Variants in HYCC1 observed in about 807,000 individuals in gnomAD.
The protein encoded by HYCC1 is hyccin PI4KA lipid kinase complex subunit 1.
the HYCC1 span, among the ~76,000 whole-genome samples, chr7:22,979,642 T>C: frequency 6.6e-6 from 1 of 152,114 alleles, no homozygotes; most frequent in Admixed American, 6.6e-5. Context: ...ATAACATCCC[T>C]CCCTCATCTC....
At chr7:22,942,211 A>C in the HYCC1 span, 1 of 152,156 alleles carries the variant, frequency 6.6e-6, no homozygotes, top group Admixed American at 6.6e-5. Flanking sequence ...ATTTCCCTTT[A>C]ATTCAACTTT....
At chr7:22,915,197 C>A in the HYCC1 span, among the ~76,000 whole-genome samples, 1 of 152,172 alleles carries the variant, frequency 6.6e-6, no homozygotes. Context: ...AAATCAGATT[C>A]CGGCCCTCAA....
the HYCC1 span, among the ~76,000 whole-genome samples, chr7:22,917,090 T>C: frequency 6.6e-6 from 1 of 152,206 alleles, no homozygotes; most frequent in Non-Finnish European, 1.5e-5. Context: ...CTCAGGGTAA[T>C]GCTTATGCTG....
the HYCC1 span, among the ~76,000 whole-genome samples, chr7:23,005,435 A>G: frequency 2.6e-5 from 4 of 152,208 alleles, no homozygotes; most frequent in Admixed American, 2.6e-4. Context: ...TCATTTGGAC[A>G]ATTGAGAATG....
At chr7:22,929,739 T>C in the HYCC1 span, among the ~76,000 whole-genome samples, 4 of 152,214 alleles carry the variant, frequency 2.6e-5, no homozygotes, top group African/African-American at 4.8e-5. Flanking sequence ...TTTTACACTG[T>C]TGGTGGACTG....
chr7:22,994,247 T>C, the HYCC1 span, among the ~76,000 whole-genome samples: 9 of 152,348 alleles, frequency 5.9e-5, no homozygotes, highest in Middle Eastern at 6.8e-3. Flanking sequence ...TGAAATTCTA[T>C]ACAACAAAAT....
At chr7:22,949,199 GAA>G in the HYCC1 span, among the ~76,000 whole-genome samples, 1 of 152,034 alleles carries the variant, frequency 6.6e-6, no homozygotes, top group Admixed American at 6.6e-5. Context: ...TCGCTTTCTT[GAA>G]AGTGTTCACA....
At chr7:22,900,080 T>C in the HYCC1 span, among the ~76,000 whole-genome samples, 1 of 152,162 alleles carries the variant, frequency 6.6e-6, no homozygotes, top group African/African-American at 2.4e-5. Flanking sequence ...CAAAGGGCAC[T>C]CCTAGCCTAA....
At chr7:22,945,329 A>AG in the HYCC1 span, 1 of 517,226 alleles carries the variant, frequency 1.9e-6, no homozygotes, top group Admixed American at 3.3e-5. Context: ...TGACAATCTT[A>AG]GGGCAACAAT....
At chr7:22,960,457 A>AAGATCAACAT in the HYCC1 span, 4,730 of 1,505,138 alleles carry the variant, frequency 3.1e-3, 133 homozygotes, top group African/African-American at 0.057. Flanking sequence ...ATGAGCAGAT[A>AAGATCAACAT]GAGCAGATAT....
chr7:22,924,010 A>C, the HYCC1 span, among the ~76,000 whole-genome samples: 1 of 149,936 alleles, frequency 6.7e-6, no homozygotes, highest in African/African-American at 2.4e-5. Flanking sequence ...AAAAAAAAAA[A>C]AAAACCCAAA....
chr7:22,945,241 A>C, the HYCC1 span: 37 of 319,668 alleles, frequency 1.2e-4, 1 homozygote, highest in Non-Finnish European at 6.4e-5. Flanking sequence ...AACCAAACCA[A>C]AACAAGAAAA....
the HYCC1 span, among the ~76,000 whole-genome samples, chr7:22,920,852 TCATG>T: frequency 6.6e-6 from 1 of 152,208 alleles, no homozygotes; most frequent in South Asian, 2.1e-4. Flanking sequence ...GGTGGATCCC[TCATG>T]CATGACTTAG....
At chr7:22,983,796 T>C in the HYCC1 span, 2 of 606,456 alleles carry the variant, frequency 3.3e-6, no homozygotes, top group Non-Finnish European at 5.9e-6. Context: ...TTATATTTCT[T>C]GGCTTGGGGA....
the HYCC1 span, among the ~76,000 whole-genome samples, chr7:22,916,578 T>A: frequency 3.9e-5 from 6 of 152,204 alleles, no homozygotes; most frequent in Non-Finnish European, 8.8e-5. Flanking sequence ...TGTTTTAGGC[T>A]GGCCCCCACA....
At chr7:22,953,048 T>C in the HYCC1 span, among the ~76,000 whole-genome samples, 3 of 151,996 alleles carry the variant, frequency 2.0e-5, no homozygotes, top group Non-Finnish European at 4.4e-5. Context: ...TTTAGTTGTA[T>C]ACATGGTAAA....
the HYCC1 span, among the ~76,000 whole-genome samples, chr7:23,013,269 T>C: frequency 6.6e-6 from 1 of 152,112 alleles, no homozygotes; most frequent in African/African-American, 2.4e-5. Flanking sequence ...GGGCAAGGGC[T>C]CAAGAAGAGA....
chr7:22,931,816 T>A, the HYCC1 span, among the ~76,000 whole-genome samples: 2 of 152,172 alleles, frequency 1.3e-5, no homozygotes, highest in Non-Finnish European at 2.9e-5. Context: ...TGAATTGTGT[T>A]CTAGATTTGG....
the HYCC1 span, chr7:22,946,844 GA>G: frequency 7.0e-6 from 6 of 854,854 alleles, no homozygotes; most frequent in East Asian, 1.6e-4. Flanking sequence ...AAGAGTCATT[GA>G]GAAATGTGGT....
Sources: allele counts gnomAD v4.1 joint callset (sites outside exome capture counted in the v4.1 genomes callset), GRCh38; gene constraint gnomAD v4.1.1; transcripts MANE v1.5; gene names NCBI Gene and HGNC (gene_info 2026-07-23, HGNC 2026-07-21).